The following ENTREP2 variants were observed in gnomAD, a reference collection of about 807,000 sequenced individuals.
ENTREP2 encodes protein ENTREP2.
At chr15:29,212,277 G>T in the ENTREP2 span, among the ~76,000 whole-genome samples, 3 of 152,220 alleles carry the variant, frequency 2.0e-5, no homozygotes, top group East Asian at 5.8e-4. Context: ...GTTATTCACA[G>T]TAGCCTTGAA....
At chr15:29,412,648 G>A in the ENTREP2 span, among the ~76,000 whole-genome samples, 3 of 151,678 alleles carry the variant, frequency 2.0e-5, no homozygotes, top group Non-Finnish European at 2.9e-5. Flanking sequence ...GATCTCTTCT[G>A]TATCTGTAAT....
chr15:29,189,264 G>A, the ENTREP2 span, among the ~76,000 whole-genome samples: 2 of 152,118 alleles, frequency 1.3e-5, no homozygotes, highest in African/African-American at 2.4e-5. Context: ...GCTGTCTCCA[G>A]GTAAAGAGTG....
At chr15:29,657,849 C>A in the ENTREP2 span, among the ~76,000 whole-genome samples, 354 of 152,090 alleles carry the variant, frequency 2.3e-3, no homozygotes, top group African/African-American at 8.2e-3. Context: ...GAAATACTAT[C>A]TATAGTGTGT....
chr15:29,290,964 T>C, the ENTREP2 span, among the ~76,000 whole-genome samples: 1 of 152,176 alleles, frequency 6.6e-6, no homozygotes. Flanking sequence ...TGTGCCCCCC[T>C]GCAGTTCCTG....
At chr15:29,263,554 A>G in the ENTREP2 span, among the ~76,000 whole-genome samples, 1 of 152,254 alleles carries the variant, frequency 6.6e-6, no homozygotes, top group African/African-American at 2.4e-5. Context: ...TTGGTTATTT[A>G]TAAGAGGAAT....
At chr15:29,302,638 TC>T in the ENTREP2 span, among the ~76,000 whole-genome samples, 6 of 151,982 alleles carry the variant, frequency 3.9e-5, no homozygotes, top group Non-Finnish European at 7.4e-5. Flanking sequence ...AATAATTACA[TC>T]CCATTTTTTT....
At chr15:29,359,227 G>A in the ENTREP2 span, among the ~76,000 whole-genome samples, 3 of 152,092 alleles carry the variant, frequency 2.0e-5, no homozygotes, top group East Asian at 1.9e-4. Flanking sequence ...GGCAGAACAC[G>A]AAGGAGTGTT....
chr15:29,400,545 C>A, the ENTREP2 span, among the ~76,000 whole-genome samples: 2 of 152,110 alleles, frequency 1.3e-5, no homozygotes, highest in African/African-American at 4.8e-5. Flanking sequence ...AACTGGCTAG[C>A]CACTTGGAAA....
chr15:29,654,826 T>TA, the ENTREP2 span, among the ~76,000 whole-genome samples: 1 of 152,234 alleles, frequency 6.6e-6, no homozygotes, highest in Non-Finnish European at 1.5e-5. Flanking sequence ...TCCTGACTAA[T>TA]ACCTCCTGTT....
chr15:29,479,403 C>T, the ENTREP2 span, among the ~76,000 whole-genome samples: 2 of 151,948 alleles, frequency 1.3e-5, no homozygotes, highest in African/African-American at 4.8e-5. Context: ...TTATAAATTA[C>T]CCAGGGTCAG....
chr15:29,457,410 C>T, the ENTREP2 span, among the ~76,000 whole-genome samples: 1 of 152,244 alleles, frequency 6.6e-6, no homozygotes, highest in African/African-American at 2.4e-5. Context: ...CCACAGCTCT[C>T]AGGAGAGCAA....
At chr15:29,472,015 C>T in the ENTREP2 span, among the ~76,000 whole-genome samples, 3 of 152,216 alleles carry the variant, frequency 2.0e-5, no homozygotes, top group South Asian at 2.1e-4. Flanking sequence ...CACAGCAGCA[C>T]GCGGTGGGGG....
At chr15:29,331,436 C>T in the ENTREP2 span, among the ~76,000 whole-genome samples, 1 of 152,028 alleles carries the variant, frequency 6.6e-6, no homozygotes, top group East Asian at 1.9e-4. Flanking sequence ...CGGGGCCTCT[C>T]GATGGGCACT....
the ENTREP2 span, among the ~76,000 whole-genome samples, chr15:29,657,159 T>TGCC: frequency 6.6e-6 from 1 of 152,032 alleles, no homozygotes; most frequent in Non-Finnish European, 1.5e-5. Flanking sequence ...GCCATTCTCC[T>TGCC]GCCTCCTCCT....
chr15:29,584,997 GGATAGATAGATA>G, the ENTREP2 span, among the ~76,000 whole-genome samples: 86 of 150,694 alleles, frequency 5.7e-4, no homozygotes, highest in East Asian at 5.6e-3. Context: ...AAAGATCGAT[GGATAGATAGATA>G]GATAGATAGA....
chr15:29,283,867 C>G, the ENTREP2 span, among the ~76,000 whole-genome samples: 1 of 152,040 alleles, frequency 6.6e-6, no homozygotes, highest in Non-Finnish European at 1.5e-5. Flanking sequence ...TCCAAATGCT[C>G]AACTTTTTCC....
chr15:29,590,410 C>G, the ENTREP2 span, among the ~76,000 whole-genome samples: 1 of 152,158 alleles, frequency 6.6e-6, no homozygotes, highest in Non-Finnish European at 1.5e-5. Context: ...AGGCCAGGCG[C>G]GGTGGCTCAC....
At chr15:29,151,283 G>A in the ENTREP2 span, among the ~76,000 whole-genome samples, 1 of 152,272 alleles carries the variant, frequency 6.6e-6, no homozygotes, top group East Asian at 1.9e-4. Context: ...TGGAGTATGA[G>A]CTCAGGGTTC....
chr15:29,375,914 C>T, the ENTREP2 span: 1 of 151,980 alleles, frequency 6.6e-6, no homozygotes, highest in African/African-American at 2.4e-5. Context: ...ATACACGTTT[C>T]TGTCTGGGTT....
Sources: allele counts gnomAD v4.1 joint callset (sites outside exome capture counted in the v4.1 genomes callset), GRCh38; gene constraint gnomAD v4.1.1; transcripts MANE v1.5; gene names NCBI Gene and HGNC (gene_info 2026-07-23, HGNC 2026-07-21).